EPCIP: variants seen among roughly 807,000 people sequenced by gnomAD.
EPCIP encodes the protein exosomal polycystin 1 interacting protein.
the EPCIP span, among the ~76,000 whole-genome samples, chr21:32,812,286 T>A: frequency 1.1e-4 from 17 of 152,314 alleles, no homozygotes; most frequent in South Asian, 3.3e-3. Flanking sequence ...GGGGTTCACA[T>A]CCACAGCTTT....
chr21:32,792,166 G>A, the EPCIP span, among the ~76,000 whole-genome samples: 2 of 152,054 alleles, frequency 1.3e-5, no homozygotes, highest in Non-Finnish European at 2.9e-5. Context: ...GGCCTCCCAA[G>A]CCATGGATTC....
At chr21:32,809,286 T>TTCTTTCTTTCTTTCTTTCTTTC in the EPCIP span, among the ~76,000 whole-genome samples, 190 of 111,652 alleles carry the variant, frequency 1.7e-3, 3 homozygotes, top group Middle Eastern at 4.3e-3. Flanking sequence ...CTTCCTTTCT[T>TTCTTTCTTTCTTTCTTTCTTTC]TCTTTCTTTC....
chr21:32,803,548 T>C, the EPCIP span, among the ~76,000 whole-genome samples: 1 of 152,278 alleles, frequency 6.6e-6, no homozygotes, highest in South Asian at 2.1e-4. Flanking sequence ...GAAATGCTCT[T>C]GAAAAAAGGG....
the EPCIP span, chr21:32,794,384 C>G: frequency 1.2e-6 from 2 of 1,614,184 alleles, no homozygotes; most frequent in South Asian, 2.2e-5. Flanking sequence ...ACCCAGAGTG[C>G]TGATCAGAAG....
the EPCIP span, among the ~76,000 whole-genome samples, chr21:32,813,076 TAAAAC>T: frequency 6.6e-6 from 1 of 152,208 alleles, no homozygotes; most frequent in Admixed American, 6.5e-5. Context: ...TATTAAAAGA[TAAAAC>T]AGAGCAAAGA....
the EPCIP span, among the ~76,000 whole-genome samples, chr21:32,809,275 C>CCTTCCTTCCTTT: frequency 1.7e-5 from 1 of 59,056 alleles, no homozygotes; most frequent in African/African-American, 5.4e-5. Flanking sequence ...TTCCCTCCCT[C>CCTTCCTTCCTTT]CTTCCTTTCT....
chr21:32,812,666 TA>T, the EPCIP span, among the ~76,000 whole-genome samples: 1 of 152,184 alleles, frequency 6.6e-6, no homozygotes, highest in Non-Finnish European at 1.5e-5. Context: ...CTCTTTTCGG[TA>T]AAAAATTTTC....
the EPCIP span, chr21:32,794,420 A>G: frequency 4.0e-5 from 64 of 1,610,352 alleles, no homozygotes; most frequent in Middle Eastern, 1.0e-3. Context: ...AGGTGGTGCC[A>G]TGCTTGCCCA....
the EPCIP span, among the ~76,000 whole-genome samples, chr21:32,812,673 T>A: frequency 6.6e-6 from 1 of 152,108 alleles, no homozygotes; most frequent in East Asian, 1.9e-4. Flanking sequence ...CGGTAAAAAA[T>A]TTTCAAACAA....
chr21:32,810,433 T>C, the EPCIP span: 2 of 322,554 alleles, frequency 6.2e-6, no homozygotes, highest in Admixed American at 8.2e-5. Context: ...TTTTTTTTTT[T>C]TTTTTTTTTA....
chr21:32,802,742 A>G, the EPCIP span, among the ~76,000 whole-genome samples: 1 of 151,934 alleles, frequency 6.6e-6, no homozygotes, highest in Non-Finnish European at 1.5e-5. Flanking sequence ...ACCTGCTAGA[A>G]CCTCCAGGAG....
the EPCIP span, among the ~76,000 whole-genome samples, chr21:32,805,385 C>T: frequency 1.3e-4 from 19 of 150,104 alleles, 1 homozygote; most frequent in East Asian, 2.7e-3. Flanking sequence ...GATGGAGTCT[C>T]GCTCTGTCAC....
chr21:32,804,706 C>A, the EPCIP span, among the ~76,000 whole-genome samples: 2 of 152,140 alleles, frequency 1.3e-5, no homozygotes, highest in African/African-American at 4.8e-5. Context: ...AAATGTCTCT[C>A]TGCATGATTT....
chr21:32,795,117 C>T, the EPCIP span, among the ~76,000 whole-genome samples: 3 of 152,146 alleles, frequency 2.0e-5, no homozygotes, highest in African/African-American at 7.2e-5. Context: ...CTGTTCAGGG[C>T]CTCTTACAAA....
At chr21:32,801,774 C>T in the EPCIP span, among the ~76,000 whole-genome samples, 1 of 151,618 alleles carries the variant, frequency 6.6e-6, no homozygotes, top group Non-Finnish European at 1.5e-5. Context: ...ACCTGGGAGG[C>T]GGAGGTTGCA....
chr21:32,813,575 AC>A, the EPCIP span: 1 of 470,960 alleles, frequency 2.1e-6, no homozygotes, highest in Non-Finnish European at 4.4e-6. Context: ...AAAAAGAAGA[AC>A]ACAGAAATTA....
the EPCIP span, among the ~76,000 whole-genome samples, chr21:32,807,992 A>T: frequency 6.6e-6 from 1 of 152,362 alleles, no homozygotes; most frequent in East Asian, 1.9e-4. Flanking sequence ...TCAGGCCTCC[A>T]GTCACTGCCC....
chr21:32,802,961 T>C, the EPCIP span, among the ~76,000 whole-genome samples: 1 of 152,208 alleles, frequency 6.6e-6, no homozygotes, highest in Non-Finnish European at 1.5e-5. Flanking sequence ...CGCCACTCCC[T>C]GAGACATCCA....
chr21:32,808,377 A>C, the EPCIP span, among the ~76,000 whole-genome samples: 1 of 152,008 alleles, frequency 6.6e-6, no homozygotes, highest in African/African-American at 2.4e-5. Flanking sequence ...CAGATCTTCC[A>C]CTTAACAGTC....
Sources: gnomAD v4.1 joint callset for allele counts (sites outside exome capture counted in the v4.1 genomes callset) on GRCh38, gnomAD v4.1.1 for gene constraint, MANE v1.5 for transcripts, NCBI Gene and HGNC (gene_info 2026-07-23, HGNC 2026-07-21) for gene names.